Variants in FAM135A observed in about 807,000 individuals in gnomAD.
FAM135A encodes the protein family with sequence similarity 135 member A, also known as protein FAM135A.
Under a neutral mutation model 146.8 loss-of-function variants are expected in FAM135A, and 79 were observed. The observed-to-expected ratio is 0.54, with a 90% CI of 0.45 to 0.65. The LOEUF (loss-of-function observed/expected upper bound fraction) is 0.65. Ranked by LOEUF, FAM135A falls within the 30% of genes least tolerant of loss-of-function variation. The pLI is 0.00. For synonymous variants in FAM135A, 562 were observed against 603.6 expected (o/e 0.93, Z 1.01); for missense variants, 1,623 against 1,758.2 (o/e 0.92, Z 1.38).
chr6:70,525,176 T>C lies in FAM135A; in HGVS notation c.2092T>C (p.Ser698Pro). The C allele has an allele frequency of 6.3e-7, 1 of 1,589,332 alleles. No homozygotes were observed. The highest frequency in any genetic ancestry group is 8.5e-7 in the Non-Finnish European group (1 of 1,171,504). Reference protein sequence around the residue: ...LVDNLLPNFESLESNGKSKSI... With the variant: ...LVDNLLPNFEPLESNGKSKSI... Reference sequence around the variant, plus strand: ...GGATAATTTACTACCCAACTTTGAGTCCTTAGAATCTAATGGTAAATCTAA... The same window carrying C: ...GGATAATTTACTACCCAACTTTGAGCCCTTAGAATCTAATGGTAAATCTAA... Residue 698 changes from serine (S) to proline (P), a missense_variant, in exon 15 of 22, where the codon TCC becomes CCC. Physicochemically the swap from Ser to Pro is moderately conservative, Grantham distance 74. Transcript: ENST00000418814.
intron 15 of FAM135A, among the ~76,000 whole-genome samples, chr6:70,527,429 A>G (rs1794970911): frequency 6.6e-6 from 1 of 152,166 alleles, no homozygotes; most frequent in Non-Finnish European, 1.5e-5. Context: ...AAATTAAGAT[A>G]CATAGTGTCT....
chr6:70,524,786 A>G lies in FAM135A; in HGVS notation c.1702A>G (p.Thr568Ala). The G allele has an allele frequency of 1.3e-6, 2 of 1,552,288 alleles. No individual in the cohort carries two copies. The highest frequency in any genetic ancestry group is 1.7e-6 in the Non-Finnish European group (2 of 1,147,262). Residue 568 changes from threonine (T) to alanine (A), a missense_variant, in exon 15 of 22, where the codon ACA becomes GCA. By Grantham distance (58) the Thr-to-Ala change is moderately conservative (BLOSUM62 0). This residue lies in a region of FAM135A where 1,061 missense variants were observed against 1,113.8 expected (regional missense o/e 0.95). Coordinates refer to ENST00000418814, the MANE Select transcript of FAM135A (RefSeq NM_001162529.3). The part of the protein sequence containing the change: ...NFDPKTYMRQ[T>A]SQKEASCLPT... Reference sequence around the variant, plus strand: ...TGACCCAAAGACCTACATGAGACAGACAAGTCAAAAGGAAGCTAGCTGTTT... The same window carrying G: ...TGACCCAAAGACCTACATGAGACAGGCAAGTCAAAAGGAAGCTAGCTGTTT...
At position 70,469,264 on chromosome 6, in the gene FAM135A, GTGAA is replaced by G. The variant is rs888561037; in HGVS notation, c.158-6138_158-6135del. Among the ~76,000 whole-genome samples, 7 of 152,306 alleles carry G rather than the reference GTGAA, an allele frequency of 4.6e-5. No individual in the cohort carries two copies. The South Asian group carries it at 1.2e-3, about 27-fold the overall frequency. Reference sequence around the variant, plus strand: ...CAGTAAATATTTGTTGATCGGATGAGTGAATGAATGACTAGGAAGTTGCACATCT... The same window carrying G: ...CAGTAAATATTTGTTGATCGGATGAGTGAATGACTAGGAAGTTGCACATCT... On this transcript the variant is annotated intron_variant, in intron 5 of 21. Transcript: ENST00000418814.
At chr6:70,421,624 G>A (rs1261502612) in intron 2 of FAM135A, among the ~76,000 whole-genome samples, 2 of 152,152 alleles carry the variant, frequency 1.3e-5, no homozygotes, top group African/African-American at 4.8e-5. Context: ...TTTCCTGTTT[G>A]GGATCCCCCT....
At chr6:70,488,088 A>G (rs914887223) in intron 10 of FAM135A, among the ~76,000 whole-genome samples, 1 of 152,150 alleles carries the variant, frequency 6.6e-6, no homozygotes, top group Non-Finnish European at 1.5e-5. Context: ...GTTCACCTGT[A>G]TCATAGAAAT....
At chr6:70,538,483 T>C (rs1797187477) in intron 20 of FAM135A, 82 bp downstream of exon 20, 1 of 756,046 alleles carries the variant, frequency 1.3e-6, no homozygotes, top group Non-Finnish European at 1.9e-6. Flanking sequence ...ATTATCAACA[T>C]GTCTTTCTAG....
intron 20 of FAM135A, among the ~76,000 whole-genome samples, chr6:70,549,476 C>G (rs564099616): frequency 1.3e-5 from 2 of 151,966 alleles, no homozygotes; most frequent in South Asian, 4.2e-4. Flanking sequence ...TACAGACATG[C>G]CTTGGAGATA....
intron 2 of FAM135A, chr6:70,417,547 T>C (rs1369053608): frequency 8.7e-6 from 8 of 916,446 alleles, no homozygotes; most frequent in Non-Finnish European, 1.0e-5. Context: ...TGTTATGAAA[T>C]GTTCTTTTGC....
At chr6:70,441,140 C>A (rs978041560) in intron 4 of FAM135A, among the ~76,000 whole-genome samples, 1 of 151,972 alleles carries the variant, frequency 6.6e-6, no homozygotes, top group Non-Finnish European at 1.5e-5. Flanking sequence ...ACGTCTGTTA[C>A]CCCAGCACTT....
At chr6:70,514,277 A>G (rs1791708900) in intron 12 of FAM135A, among the ~76,000 whole-genome samples, 1 of 151,756 alleles carries the variant, frequency 6.6e-6, no homozygotes, top group Admixed American at 6.6e-5. Flanking sequence ...TCTTAATCTC[A>G]TCTAGTAAAA....
At position 70,538,341 on chromosome 6, in the gene FAM135A, A is replaced by G. The variant is rs767311551; in HGVS notation, c.4168A>G (p.Thr1390Ala). The G allele has an allele frequency of 1.3e-6, 2 of 1,532,070 alleles. No homozygotes were observed. The highest frequency in any genetic ancestry group is 1.3e-5 in the South Asian group (1 of 76,300). 94.9% of individuals were successfully genotyped at this position (1,532,070 alleles called of 1,614,324 possible). ...WKKSGSLLQL[T>A]CRDHSDPRQT... ...AAAATCAGGTTCGCTTTTGCAGCTG[A>G]CATGTCGAGATCACTCAGACCCTCG... Residue 1390 changes from threonine (T) to alanine (A), a missense_variant, in exon 20 of 22, where the codon ACA becomes GCA. By Grantham distance (58) the Thr-to-Ala change is moderately conservative. Transcript: ENST00000418814.
At chr6:70,548,010 T>A (rs1031115584) in intron 20 of FAM135A, among the ~76,000 whole-genome samples, 1 of 152,198 alleles carries the variant, frequency 6.6e-6, no homozygotes, top group Non-Finnish European at 1.5e-5. Flanking sequence ...AGAATCAAGG[T>A]AGGTGTAGAA....
At chr6:70,540,800 CA>C (rs778868075) in intron 20 of FAM135A, among the ~76,000 whole-genome samples, 90 of 152,188 alleles carry the variant, frequency 5.9e-4, no homozygotes, top group Non-Finnish European at 1.2e-3. Context: ...TGATCTCTTC[CA>C]AAAAAGATCA....
At chr6:70,418,556 C>T (rs1000237312) in intron 2 of FAM135A, 3 of 152,332 alleles carry the variant, frequency 2.0e-5, no homozygotes, top group African/African-American at 7.2e-5. Flanking sequence ...TCTCGAACTC[C>T]TGACCGCAGG....
intron 11 of FAM135A, among the ~76,000 whole-genome samples, chr6:70,495,881 T>C (rs969561608): frequency 5.3e-5 from 8 of 152,166 alleles, no homozygotes; most frequent in Admixed American, 4.6e-4. Flanking sequence ...AGTGAGAACA[T>C]GCGGTGTTTG....
At chr6:70,554,625 G>T (rs1231366834) in intron 20 of FAM135A, among the ~76,000 whole-genome samples, 1 of 151,744 alleles carries the variant, frequency 6.6e-6, no homozygotes, top group African/African-American at 2.4e-5. Flanking sequence ...GTTTTGGGGG[G>T]TTTTTTTGGT....
At chr6:70,523,892 A>G in intron 13 of FAM135A, 75 bp from the exon 14 acceptor site, 1 of 1,446,168 alleles carries the variant, frequency 6.9e-7, no homozygotes, top group Non-Finnish European at 9.4e-7. Flanking sequence ...AGGGAAGGGG[A>G]AAGGGTAGAT....
chr6:70,498,017 T>C (rs1787688759), intron 11 of FAM135A, among the ~76,000 whole-genome samples: 1 of 152,234 alleles, frequency 6.6e-6, no homozygotes, highest in East Asian at 1.9e-4. Flanking sequence ...GTCCCTACTT[T>C]TCCATTGTTT....
At chr6:70,425,996 G>T (rs900752517) in intron 2 of FAM135A, among the ~76,000 whole-genome samples, 7 of 151,940 alleles carry the variant, frequency 4.6e-5, no homozygotes, top group African/African-American at 1.5e-4. Flanking sequence ...CCAGCTACTC[G>T]GGAGGCTGAG....
Sources: allele counts gnomAD v4.1 joint callset (sites outside exome capture counted in the v4.1 genomes callset), GRCh38; gene constraint gnomAD v4.1.1; regional missense constraint gnomAD v4.1.1; transcripts MANE v1.5; gene names NCBI Gene and HGNC (gene_info 2026-07-23, HGNC 2026-07-21).